Variants in RHEB observed in about 807,000 individuals in gnomAD.
The protein encoded by RHEB is GTP-binding protein Rheb.
In RHEB, 2 loss-of-function variants were observed where a neutral mutation model predicts 28.8. The ratio of observed to expected loss-of-function variants is 0.07; its 90% CI spans 0.03 to 0.22. The LOEUF is 0.22. Among genes scored for constraint, RHEB ranks in the 10% least tolerant of loss-of-function variants. The pLI, the probability that RHEB is intolerant of heterozygous loss-of-function variation, is 1.00. For missense variants in RHEB, 76 were observed against 219.9 expected, an observed-to-expected ratio of 0.35 and a Z score of 4.14; for synonymous variants, 69 against 77.3, an observed-to-expected ratio of 0.89 and a Z score of 0.56.
At chr7:151,492,641 T>C (rs2150930173) in intron 1 of RHEB, among the ~76,000 whole-genome samples, 2 of 149,728 alleles carry the variant, frequency 1.3e-5, no homozygotes, top group East Asian at 3.9e-4. Flanking sequence ...AGAAAAAAAG[T>C]AGGGGTTGCT....
chr7:151,477,766 A>G (rs920594800), intron 3 of RHEB, among the ~76,000 whole-genome samples: 1 of 152,228 alleles, frequency 6.6e-6, no homozygotes, highest in Non-Finnish European at 1.5e-5. Context: ...ACCTCAGGAC[A>G]TTTATAAATC....
intron 2 of RHEB, among the ~76,000 whole-genome samples, chr7:151,488,330 A>G (rs937118160): frequency 2.4e-4 from 36 of 152,326 alleles, no homozygotes; most frequent in African/African-American, 8.4e-4. Context: ...TTTGCTCACC[A>G]TGACACTTCA....
chr7:151,497,940 G>A, intron 1 of RHEB: 1 of 370,192 alleles, frequency 2.7e-6, no homozygotes, highest in Admixed American at 3.5e-5. Flanking sequence ...AAATCCAACG[G>A]GGCATATTGA....
At position 151,467,467 on chromosome 7, in the gene RHEB, G is replaced by A. The variant is rs542844079; in HGVS notation, c.463-256C>T. On this transcript the variant is annotated intron_variant, in intron 7 of 7. Transcript: ENST00000262187. ...TCAGGCACCAGGAGACGCCCGAAGA[G>A]TCCTCACTCCCAGACTCACCACCAT... Among the ~76,000 whole-genome samples the A allele has an allele frequency of 2.6e-5, 4 of 152,084 alleles. No individual in the cohort carries two copies. The East Asian group carries it at 7.8e-4, about 30-fold the overall frequency.
intron 1 of RHEB, 115 bp downstream of exon 1, chr7:151,519,345 C>T (rs1803139771): frequency 2.9e-6 from 2 of 698,554 alleles, no homozygotes; most frequent in East Asian, 4.4e-5. Context: ...GCGCGGCCCC[C>T]GCCCGCCCCG....
chr7:151,502,047 C>T (rs1185499414), intron 1 of RHEB: 8 of 416,902 alleles, frequency 1.9e-5, no homozygotes, highest in Non-Finnish European at 3.6e-5. Context: ...ACCTGCCTGG[C>T]CAATATGGTG....
At chr7:151,484,230 T>G (rs1357724193) in intron 3 of RHEB, among the ~76,000 whole-genome samples, 1 of 152,210 alleles carries the variant, frequency 6.6e-6, no homozygotes, top group African/African-American at 2.4e-5. Context: ...TTTGCCCTAA[T>G]GTAGGAGAAC....
intron 1 of RHEB, chr7:151,498,010 G>T: frequency 1.3e-6 from 1 of 751,080 alleles, no homozygotes. Flanking sequence ...GCAGTAGTTG[G>T]GTGCCACACA....
At chr7:151,482,867 C>T (rs2150925546) in intron 3 of RHEB, among the ~76,000 whole-genome samples, 1 of 152,314 alleles carries the variant, frequency 6.6e-6, no homozygotes, top group South Asian at 2.1e-4. Context: ...CTTCCCTTCC[C>T]TACTAATTTC....
chr7:151,492,838 A>AT (rs538597333), intron 1 of RHEB, among the ~76,000 whole-genome samples: 6,688 of 125,110 alleles, frequency 0.053, 540 homozygotes, highest in African/African-American at 0.16. Flanking sequence ...AATTCTCAAC[A>AT]TTTTTTTTTT....
At chr7:151,494,814 T>C (rs1458453467) in intron 1 of RHEB, among the ~76,000 whole-genome samples, 6 of 152,236 alleles carry the variant, frequency 3.9e-5, no homozygotes, top group Non-Finnish European at 7.3e-5. Context: ...CCAGAAGGGA[T>C]AGGAAGGCTA....
intron 1 of RHEB, among the ~76,000 whole-genome samples, chr7:151,514,785 T>C (rs1584870408): frequency 6.6e-6 from 1 of 152,194 alleles, no homozygotes; most frequent in East Asian, 1.9e-4. Flanking sequence ...ACACCTGTAA[T>C]CCCAACACTG....
At chr7:151,502,410 C>T (rs1206194052) in intron 1 of RHEB, 1 of 802,568 alleles carries the variant, frequency 1.2e-6, no homozygotes, top group Non-Finnish European at 2.3e-6. Context: ...GGAGCCATTA[C>T]ATCTATACAA....
At chr7:151,514,290 T>C (rs1042893900) in intron 1 of RHEB, among the ~76,000 whole-genome samples, 13 of 152,202 alleles carry the variant, frequency 8.5e-5, no homozygotes, top group African/African-American at 3.1e-4. Context: ...AATATAGTAG[T>C]AAATCTATAT....
chr7:151,519,298 C>A (rs1407207807), intron 1 of RHEB, 162 bp downstream of exon 1: 1 of 389,604 alleles, frequency 2.6e-6, no homozygotes. Context: ...GCCGCCCCGA[C>A]CGCCACCACC....
intron 3 of RHEB, among the ~76,000 whole-genome samples, chr7:151,479,908 A>T (rs1257551564): frequency 1.3e-5 from 2 of 152,210 alleles, no homozygotes; most frequent in East Asian, 3.9e-4. Context: ...AAGTACACAG[A>T]CAGGATAATT....
chr7:151,501,977 C>T, intron 1 of RHEB: 1 of 608,866 alleles, frequency 1.6e-6, no homozygotes, highest in Non-Finnish European at 3.1e-6. Context: ...GTGGCTCACG[C>T]CTGTAATCCC....
At chr7:151,495,746 T>C (rs1802661287) in intron 1 of RHEB, among the ~76,000 whole-genome samples, 1 of 152,002 alleles carries the variant, frequency 6.6e-6, no homozygotes, top group Admixed American at 6.6e-5. Context: ...ACCCCAGGAG[T>C]TTGAGACCAG....
chr7:151,514,745 G>C (rs1803045838), intron 1 of RHEB, among the ~76,000 whole-genome samples: 1 of 152,078 alleles, frequency 6.6e-6, no homozygotes, highest in East Asian at 1.9e-4. Flanking sequence ...ATTCATAGTA[G>C]CCAGAAAGTA....
Sources: allele counts gnomAD v4.1 joint callset (sites outside exome capture counted in the v4.1 genomes callset), GRCh38; gene constraint gnomAD v4.1.1; transcripts MANE v1.5; gene names NCBI Gene and HGNC (gene_info 2026-07-23, HGNC 2026-07-21).